Variants in OTOF observed in about 807,000 individuals in gnomAD.
The protein encoded by OTOF is fer-1-like family member 2.
In OTOF, 218 loss-of-function variants were observed where a neutral mutation model predicts 236.8. The observed-to-expected ratio is 0.92, with a 90% CI of 0.82 to 1.03. The LOEUF (loss-of-function observed/expected upper bound fraction) is 1.03. OTOF is among the 50% of genes least tolerant of loss of function. The pLI, the probability that OTOF is intolerant of heterozygous loss-of-function variation, is 0.00. For synonymous variants in OTOF, 1,041 were observed against 1,072.5 expected, an observed-to-expected ratio of 0.97 and a Z score of 0.57; for missense variants, 2,590 against 2,694.4, an observed-to-expected ratio of 0.96 and a Z score of 0.86.
intron 29 of OTOF, among the ~76,000 whole-genome samples, chr2:26,472,864 G>T (rs1375842188): frequency 6.6e-6 from 1 of 152,124 alleles, no homozygotes; most frequent in South Asian, 2.1e-4. Flanking sequence ...GGGAGGTGGC[G>T]GGGAGGCCTG....
rs1664448926 is a variant in OTOF, at chr2:26,461,217, C to G, written c.5534-187G>C. ...CATCCTCGTGGGCTTGCTAGGCAGC[C>G]CCAGCCCCCATGCTTTACTCAGGTC... On this transcript the variant is annotated intron_variant, in intron 43 of 46. Transcript: ENST00000272371. This position sits in a 1 kb window ranked among gnomAD's most constrained non-coding sequence, Gnocchi z 6.2. Among the ~76,000 whole-genome samples, 1 of 152,130 alleles carries G rather than the reference C, an allele frequency of 6.6e-6. No homozygotes were observed. The highest frequency in any genetic ancestry group is 2.1e-4 in the South Asian group (1 of 4,828).
At position 26,464,851 on chromosome 2, in the gene OTOF, C is replaced by T; in HGVS notation, c.4960+18G>A. 1 of 1,599,500 alleles carries T rather than the reference C, an allele frequency of 6.3e-7. No individual in the cohort carries two copies. The highest frequency in any genetic ancestry group is 8.5e-7 in the Non-Finnish European group (1 of 1,172,476). On this transcript the variant is annotated intron_variant, in intron 39 of 46. Transcript: ENST00000272371. ...CCCCTGGAGAGGGGGCAGGCGGCTG[C>T]ATCCAGTGCCCCATTACCGTTCTCG...
At chr2:26,535,410 C>T (rs1226125304) in intron 2 of OTOF, among the ~76,000 whole-genome samples, 2 of 152,176 alleles carry the variant, frequency 1.3e-5, no homozygotes, top group Admixed American at 1.3e-4. Flanking sequence ...CTGCCACCAT[C>T]TTCCCACGGG....
At chr2:26,534,022 G>T (rs1005703275) in intron 2 of OTOF, among the ~76,000 whole-genome samples, 1 of 152,088 alleles carries the variant, frequency 6.6e-6, no homozygotes, top group Non-Finnish European at 1.5e-5. Flanking sequence ...CCATCTGCCC[G>T]CTAGACTGAG....
chr2:26,503,846 C>T lies in OTOF; in HGVS notation c.510-1G>A, dbSNP rs147151719. ...GGCGGAGAACACGCTCCTCCCGGCT[C>T]TGTGAGGGGGGCCACCAGAATGAGG... On this transcript the variant is annotated splice_acceptor_variant, in intron 5 of 46. Coordinates refer to ENST00000272371, the MANE Select transcript of OTOF (RefSeq NM_194248.3). LOFTEE classifies it high-confidence loss of function. The T allele has an allele frequency of 5.0e-6, 8 of 1,613,948 alleles. No homozygotes were observed. Among genetic ancestry groups the T allele is most frequent in the South Asian group, 2.2e-5 (2 of 91,092 alleles).
Position 26,468,415 on chromosome 2 carries a change from A to G in OTOF, c.4083T>C (p.Asn1361=). The change falls in exon 33 of 47, where the codon AAT becomes AAC. Residue 1361 remains asparagine (N), a synonymous_variant. Transcript: ENST00000272371. ...IDLEEKEEVD[N]TEGLKGSMKG... ...CCAGGTTCCAGGGCTCACCCTCGGT[A>G]TTGTCCACTTCCTCCTTCTCCTCCA... 2.5e-6 allele frequency: 4 copies of G among 1,613,694 alleles called. No homozygotes were observed. Among genetic ancestry groups the G allele is most frequent in the Non-Finnish European group, 2.5e-6 (3 of 1,179,634 alleles).
chr2:26,530,997 TG>T (rs1243269852), intron 2 of OTOF, among the ~76,000 whole-genome samples: 1 of 152,194 alleles, frequency 6.6e-6, no homozygotes, highest in Non-Finnish European at 1.5e-5. Context: ...AGGAGACTTT[TG>T]GGGTTGAATT....
At chr2:26,530,701 A>C (rs1666924026) in intron 2 of OTOF, among the ~76,000 whole-genome samples, 4 of 150,994 alleles carry the variant, frequency 2.6e-5, no homozygotes, top group Admixed American at 2.6e-4. Flanking sequence ...GTTTTCTTTC[A>C]TCAGTTTCTC....
At chr2:26,498,354 C>A (rs1010821868) in intron 8 of OTOF, among the ~76,000 whole-genome samples, 2 of 152,154 alleles carry the variant, frequency 1.3e-5, no homozygotes, top group Non-Finnish European at 2.9e-5. Context: ...AAGCTGAGGG[C>A]GCTGGAGAAA....
At chr2:26,542,893 A>G (rs886284350) in intron 1 of OTOF, among the ~76,000 whole-genome samples, 1 of 152,210 alleles carries the variant, frequency 6.6e-6, no homozygotes, top group Admixed American at 6.5e-5. Flanking sequence ...GGCCCAGCCC[A>G]CTAGCCTATC....
At chr2:26,536,487 T>C (rs1667072646) in intron 2 of OTOF, among the ~76,000 whole-genome samples, 1 of 152,108 alleles carries the variant, frequency 6.6e-6, no homozygotes, top group South Asian at 2.1e-4. Context: ...TGGGCCGCGA[T>C]GGTTGATGGC....
intron 11 of OTOF, among the ~76,000 whole-genome samples, chr2:26,485,911 C>T (rs1488561864): frequency 6.6e-6 from 1 of 152,222 alleles, no homozygotes; most frequent in Non-Finnish European, 1.5e-5. Context: ...GAACCTCAGC[C>T]AGGCTGGCAG....
intron 18 of OTOF, chr2:26,478,141 G>T: frequency 1.2e-6 from 1 of 820,896 alleles, no homozygotes; most frequent in Non-Finnish European, 1.7e-6. Flanking sequence ...TGTGGCAGGG[G>T]ATGGGAACAG....
Position 26,461,479 on chromosome 2 carries a change from CTTG to C in OTOF, c.5533+214_5533+216del, listed in dbSNP as rs947331532. Among the ~76,000 whole-genome samples the C allele has an allele frequency of 6.6e-6, 1 of 152,146 alleles. No individual in the cohort carries two copies. Among genetic ancestry groups the C allele is most frequent in the African/African-American group, 2.4e-5 (1 of 41,512 alleles). ...TGCCCCCTCCTTGGTGTGTCCAAAGCTTGTTGTCAGCCTGGTTATGACACTGAG... is the reference window on the plus strand; with the variant it reads ...TGCCCCCTCCTTGGTGTGTCCAAAGCTTGTCAGCCTGGTTATGACACTGAG... On this transcript the variant is annotated intron_variant, in intron 43 of 46. Transcript: ENST00000272371. This position sits in a 1 kb window ranked among gnomAD's most constrained non-coding sequence, Gnocchi z 6.2.
intron 1 of OTOF, among the ~76,000 whole-genome samples, chr2:26,555,239 G>A (rs1001752721): frequency 1.3e-5 from 2 of 152,186 alleles, no homozygotes; most frequent in African/African-American, 4.8e-5. Context: ...GGGAACTGCA[G>A]GCCTCTGAGC....
chr2:26,532,057 C>T (rs1666961406), intron 2 of OTOF, among the ~76,000 whole-genome samples: 1 of 133,396 alleles, frequency 7.5e-6, no homozygotes, highest in South Asian at 2.4e-4. Context: ...GGCACCATTG[C>T]ACTCCAGCCT....
chr2:26,460,333 C>T lies in OTOF; in HGVS notation c.5814-128G>A, dbSNP rs1664403030. The T allele has an allele frequency of 6.2e-6, 5 of 803,492 alleles. No homozygotes were observed. The highest frequency in any genetic ancestry group is 1.7e-5 in the African/African-American group (1 of 58,686). The allele number at this position is 803,492 out of a possible 1,614,324, so 49.8% of individuals were successfully genotyped here. On this transcript the variant is annotated intron_variant, in intron 45 of 46. Coordinates refer to ENST00000272371, the MANE Select transcript of OTOF (RefSeq NM_194248.3). This position sits in a 1 kb window ranked among gnomAD's most constrained non-coding sequence, Gnocchi z 5.3. ...GTGCAGTTCTAGGCACCCCTCTGGC[C>T]ATCAAGGCTGGCCATGGCCCCAGAG...
At chr2:26,516,240 G>A (rs1201805521) in intron 5 of OTOF, among the ~76,000 whole-genome samples, 178 bp downstream of exon 5, 1 of 152,160 alleles carries the variant, frequency 6.6e-6, no homozygotes, top group African/African-American at 2.4e-5. Context: ...CCTCGGGGGT[G>A]GACGGCTGGG....
chr2:26,483,332 G>A (rs1441055536), intron 13 of OTOF, 130 bp downstream of exon 13: 1 of 858,462 alleles, frequency 1.2e-6, no homozygotes, highest in East Asian at 2.5e-5. Flanking sequence ...GATCCTCTAA[G>A]TCCGTCCCTG....
Sources: allele counts gnomAD v4.1 joint callset (sites outside exome capture counted in the v4.1 genomes callset), GRCh38; gene constraint gnomAD v4.1.1; non-coding constraint Gnocchi (gnomAD v3.1); transcripts MANE v1.5; gene names NCBI Gene and HGNC (gene_info 2026-07-23, HGNC 2026-07-21).